The following ABCC5 variants were observed in gnomAD, a reference collection of about 807,000 sequenced individuals.
The protein encoded by ABCC5 is ATP binding cassette subfamily C member 5.
In ABCC5, 61 loss-of-function variants were observed where a neutral mutation model predicts 160.9. The observed-to-expected ratio is 0.38, with a 90% CI of 0.31 to 0.47. The LOEUF (loss-of-function observed/expected upper bound fraction) is 0.47. Ranked by LOEUF, ABCC5 falls within the 20% of genes least tolerant of loss-of-function variation. ABCC5 has a pLI of 0.99. For missense variants in ABCC5, 1,308 were observed against 1,813.3 expected (o/e 0.72, Z 5.06); for synonymous variants, 666 against 700.6 (o/e 0.95, Z 0.78).
At chr3:184,007,235 T>C (rs2108914331) in intron 2 of ABCC5, among the ~76,000 whole-genome samples, 1 of 151,760 alleles carries the variant, frequency 6.6e-6, no homozygotes, top group East Asian at 2.0e-4. Context: ...TTAGCCAGGA[T>C]GGTCTCAATC....
At chr3:183,979,424 A>C (rs77854111) in intron 8 of ABCC5, among the ~76,000 whole-genome samples, 5,492 of 152,182 alleles carry the variant, frequency 0.036, 325 homozygotes, top group African/African-American at 0.12. Flanking sequence ...GTGGGATAGA[A>C]GCTTCCATAT....
At chr3:184,000,911 T>G (rs1008520913) in intron 2 of ABCC5, 9 of 290,572 alleles carry the variant, frequency 3.1e-5, no homozygotes, top group Admixed American at 5.1e-5. Flanking sequence ...AAGCTGCAAA[T>G]GTAAGCCACA....
At chr3:183,932,825 G>A (rs1713305487) in intron 26 of ABCC5, among the ~76,000 whole-genome samples, 1 of 152,212 alleles carries the variant, frequency 6.6e-6, no homozygotes, top group African/African-American at 2.4e-5. Flanking sequence ...GCATAACAAT[G>A]GTGTCTGTCT....
intron 11 of ABCC5, among the ~76,000 whole-genome samples, chr3:183,970,414 C>T (rs1004229335): frequency 4.0e-5 from 6 of 151,030 alleles, no homozygotes; most frequent in Admixed American, 2.0e-4. Flanking sequence ...TGCTCCCTGC[C>T]CCAGCACACT....
At chr3:184,003,721 T>C (rs990797320) in intron 2 of ABCC5, among the ~76,000 whole-genome samples, 2 of 152,216 alleles carry the variant, frequency 1.3e-5, no homozygotes, top group African/African-American at 4.8e-5. Context: ...TTGTCTGCAG[T>C]TGATAATCTA....
intron 27 of ABCC5, 94 bp from the exon 28 acceptor site, chr3:183,927,537 G>T: frequency 6.7e-7 from 1 of 1,502,618 alleles, no homozygotes; most frequent in Non-Finnish European, 8.9e-7. Context: ...TGAAAGCGAT[G>T]AAAGAACTAT....
At chr3:184,000,003 T>C (rs979316758) in intron 2 of ABCC5, among the ~76,000 whole-genome samples, 3 of 151,862 alleles carry the variant, frequency 2.0e-5, no homozygotes. Flanking sequence ...GGTTCAAACA[T>C]GAAAAGGAAA....
intron 16 of ABCC5, among the ~76,000 whole-genome samples, chr3:183,960,346 C>T (rs1330092316): frequency 1.3e-5 from 2 of 152,204 alleles, no homozygotes; most frequent in African/African-American, 4.8e-5. Flanking sequence ...ATTCCTTACA[C>T]CACACTGCAA....
rs1368966046 is a variant in ABCC5 at position 183,988,924 on chromosome 3, G to C, written c.288-197C>G. Among the ~76,000 whole-genome samples, 2 of 152,078 alleles carry C rather than the reference G, an allele frequency of 1.3e-5. No individual in the cohort carries two copies. The highest frequency in any genetic ancestry group is 1.3e-4 in the Admixed American group (2 of 15,262). On this transcript the variant is annotated intron_variant, in intron 3 of 29. Transcript: ENST00000334444. This position sits in a 1 kb window ranked among gnomAD's most constrained non-coding sequence, Gnocchi z 4.4. The stretch of plus-strand genomic sequence containing the variant: ...CTCACACCTGTAATCCCAGCACTTT[G>C]GGAGGCCGAGGCGGGCAGATCATGA...
Position 184,017,066 on chromosome 3 carries a change from G to A in ABCC5, c.-56+764C>T, listed in dbSNP as rs1227084534. Among the ~76,000 whole-genome samples, 3 of 152,082 alleles carry A rather than the reference G, an allele frequency of 2.0e-5. No homozygotes were observed. The highest frequency in any genetic ancestry group is 2.0e-4 in the Admixed American group (3 of 15,252). ...CAGCCTCACCTTTCATACACGCTGC[G>A]GACCACAGTAAAACCTAGCCATCTC... On this transcript the variant is annotated intron_variant, in intron 1 of 29. Coordinates refer to ENST00000334444, the MANE Select transcript of ABCC5 (RefSeq NM_005688.4). The surrounding 1 kb of genome is among the most constrained non-coding windows in gnomAD (Gnocchi z 4.5).
Position 183,953,180 on chromosome 3 carries a change from G to A in ABCC5, c.2573C>T (p.Ala858Val). The change falls in exon 18 of 30, where the codon GCA becomes GTA. Residue 858 changes from alanine to valine, a missense_variant. By Grantham distance (64) the Ala-to-Val change is moderately conservative. Around this residue, in one of 3 missense-constraint regions of ABCC5, gnomAD observed 1,142 missense variants for 1,527.1 expected, o/e 0.75. Coordinates refer to ENST00000334444, the MANE Select transcript of ABCC5 (RefSeq NM_005688.4). ...GAAAAGGGCCATAATAACCAGGAAT[G>A]CCAAGGGGCCCCCAGCAGCCTGGAT... is the stretch of plus-strand genomic sequence containing the variant. ...VYIQAAGGPL[A>V]FLVIMALFML... is the part of the protein sequence containing the mutation. The A allele has an allele frequency of 6.2e-7, 1 of 1,614,188 alleles. No individual in the cohort carries two copies. Among genetic ancestry groups the A allele is most frequent in the Non-Finnish European group, 8.5e-7 (1 of 1,180,036 alleles).
Position 183,937,908 on chromosome 3 carries a change from T to C in ABCC5, c.3847A>G (p.Thr1283Ala). Reference sequence around the variant, plus strand: ...AGGTGCTCAGGTCCTCACCTGACAGTGCCACTGAACAGCACCGGCTCTTGA... The same window carrying C: ...AGGTGCTCAGGTCCTCACCTGACAGCGCCACTGAACAGCACCGGCTCTTGA... ...IPQEPVLFSG[T>A]VRSNLDPFNQ... is the part of the protein sequence containing the mutation. Residue 1283 changes from threonine to alanine, a missense_variant, in exon 26 of 30, where the codon ACT (threonine) becomes GCT (alanine). This residue lies in a region of ABCC5 where 163 missense variants were observed against 269.7 expected (regional missense o/e 0.60). Coordinates refer to ENST00000334444, the MANE Select transcript of ABCC5 (RefSeq NM_005688.4). The C allele has an allele frequency of 6.2e-7, 1 of 1,614,092 alleles. No individual in the cohort carries two copies. The highest frequency in any genetic ancestry group is 2.2e-5 in the East Asian group (1 of 44,870).
At chr3:183,966,008 T>A (rs891026357) in intron 12 of ABCC5, among the ~76,000 whole-genome samples, 3 of 152,198 alleles carry the variant, frequency 2.0e-5, no homozygotes, top group African/African-American at 7.2e-5. Flanking sequence ...CATTTACCAA[T>A]GATGGACCTT....
At chr3:183,961,931 C>T (rs994658325) in intron 15 of ABCC5, among the ~76,000 whole-genome samples, 1 of 152,192 alleles carries the variant, frequency 6.6e-6, no homozygotes, top group Non-Finnish European at 1.5e-5. Context: ...AGGCATGCAG[C>T]ACCATGTCTG....
rs202015125 is a variant in ABCC5 at position 183,982,963 on chromosome 3, C to T, written c.636G>A (p.Glu212=). Reference sequence around the variant, plus strand: ...ACAACAAGCTGTACTGCAGGTTAGACTCTGTTGCCTGGGTATACTCCAAGA... The same window carrying T: ...ACAACAAGCTGTACTGCAGGTTAGATTCTGTTGCCTGGGTATACTCCAAGA... ...KHLLEYTQAT[E]SNLQYSLLLV... Residue 212 remains glutamate (E), a synonymous_variant, in exon 6 of 30, where the codon GAG becomes GAA. Coordinates refer to ENST00000334444, the MANE Select transcript of ABCC5 (RefSeq NM_005688.4). This position sits in a 1 kb window ranked among gnomAD's most constrained non-coding sequence, Gnocchi z 5.2. 5.0e-6 allele frequency: 8 copies of T among 1,614,142 alleles called. No homozygotes were observed. Among genetic ancestry groups the T allele is most frequent in the Non-Finnish European group, 6.8e-6 (8 of 1,180,058 alleles).
rs1715524168 is a variant in ABCC5 at position 183,952,955 on chromosome 3, T to C, written c.2667+131A>G. 7.2e-6 allele frequency: 8 copies of C among 1,106,762 alleles called. 1 individual carries two copies. In the South Asian group the frequency reaches 1.3e-4, roughly 18 times the overall value. 68.6% of individuals were successfully genotyped at this position (1,106,762 alleles called of 1,614,324 possible). ...GCTACATTAGGGACTCATCTTTTCA[T>C]CCTGGAAAAATCTCTCTTTACAGCT... On this transcript the variant is annotated intron_variant, in intron 18 of 29. Transcript: ENST00000334444.
chr3:183,947,233 AG>A lies in ABCC5; in HGVS notation c.3414+90del, dbSNP rs200943563. On this transcript the variant is annotated intron_variant, in intron 23 of 29. Coordinates refer to ENST00000334444, the MANE Select transcript of ABCC5 (RefSeq NM_005688.4). Reference sequence around the variant, plus strand: ...GGGTCCAGAGGTGAAATAATGGCTCAGGGTGGAGCCCCCCACAATCATCCCT... The same window carrying A: ...GGGTCCAGAGGTGAAATAATGGCTCAGGTGGAGCCCCCCACAATCATCCCT... 2.6e-5 allele frequency: 34 copies of A among 1,328,014 alleles called. No homozygotes were observed. In the East Asian group the frequency reaches 7.3e-4, roughly 28 times the overall value. 82.3% of individuals were successfully genotyped at this position (1,328,014 alleles called of 1,614,324 possible).
intron 5 of ABCC5, chr3:183,986,846 C>A (rs1195888939): frequency 2.0e-5 from 3 of 151,892 alleles, no homozygotes; most frequent in Non-Finnish European, 4.4e-5. Flanking sequence ...GTTAGTTGGT[C>A]AATTATTAAT....
chr3:183,927,383 C>T lies in ABCC5; in HGVS notation c.3994G>A (p.Val1332Met). Residue 1332 changes from valine (V) to methionine (M), a missense_variant, in exon 28 of 30, where the codon GTG becomes ATG. Physicochemically the swap from Val to Met is conservative, Grantham distance 21. Coordinates refer to ENST00000334444, the MANE Select transcript of ABCC5 (RefSeq NM_005688.4). ...EVMENGDNFS[V>M]GERQLLCIAR... ...ATGCACAAGAGCTGCCGTTCCCCCA[C>T]TGAGAAGTTATCCCCATTCTCCATC... 6.2e-7 allele frequency: 1 copy of T among 1,613,932 alleles called. No individual in the cohort carries two copies. The highest frequency in any genetic ancestry group is 8.5e-7 in the Non-Finnish European group (1 of 1,179,894).
Sources: allele counts gnomAD v4.1 joint callset (sites outside exome capture counted in the v4.1 genomes callset), GRCh38; gene constraint gnomAD v4.1.1; regional missense constraint gnomAD v4.1.1; non-coding constraint Gnocchi (gnomAD v3.1); transcripts MANE v1.5; gene names NCBI Gene and HGNC (gene_info 2026-07-23, HGNC 2026-07-21).